CDH6: variants seen among roughly 807,000 people sequenced by gnomAD.
CDH6 encodes the protein cadherin-6.
In CDH6, 31 loss-of-function variants were observed where a neutral mutation model predicts 78.0. That is an observed-to-expected ratio of 0.40 (90% CI 0.30 to 0.54). The LOEUF is 0.54. CDH6 is among the 20% of genes least tolerant of loss of function. The probability of loss-of-function intolerance (pLI) is 0.56; values close to 1 mark genes in which losing one functional copy is unlikely to be tolerated. For synonymous variants in CDH6, 376 were observed against 368.8 expected (o/e 1.02, Z -0.23); for missense variants, 724 against 975.9 (o/e 0.74, Z 3.44).
rs1475512246 is a variant in CDH6 at position 31,328,214 on chromosome 5, C to G, written c.*4906C>G. On this transcript the variant is annotated 3_prime_UTR_variant, in exon 12 of 12. Coordinates refer to ENST00000265071, the MANE Select transcript of CDH6 (RefSeq NM_004932.4). ...TTTTTTTTCAAAAACCCATGAACCA[C>G]AAACTCAAATTTCTCCTCAAATGGG... 1 of 160,388 alleles carries G rather than the reference C, an allele frequency of 6.2e-6. No individual in the cohort carries two copies. The highest frequency in any genetic ancestry group is 2.8e-5 in the African/African-American group (1 of 35,150). The allele number at this position is 160,388 out of a possible 1,614,324, so 9.9% of individuals were successfully genotyped here.
In CDH6 at chr5:31,316,278, A is replaced by G. The variant is rs1383623619; in HGVS notation, c.1461A>G (p.Glu487=). The G allele has an allele frequency of 1.9e-6, 3 of 1,613,694 alleles. No individual in the cohort carries two copies. Among genetic ancestry groups the G allele is most frequent in the Admixed American group, 1.7e-5 (1 of 59,994 alleles). The change falls in exon 9 of 12, where the codon GAA becomes GAG. Residue 487 remains glutamate, a synonymous_variant. Coordinates refer to ENST00000265071, the MANE Select transcript of CDH6 (RefSeq NM_004932.4). ...TAGATGTCAATGACAACGCCCCAGAATTTGCTGAGTTCTATGAAACTTTTG... is the reference window on the plus strand; with the variant it reads ...TAGATGTCAATGACAACGCCCCAGAGTTTGCTGAGTTCTATGAAACTTTTG... ...KVLDVNDNAP[E]FAEFYETFVC...
chr5:31,196,434 T>A (rs1282832477), intron 1 of CDH6, among the ~76,000 whole-genome samples: 1 of 152,206 alleles, frequency 6.6e-6, no homozygotes, highest in East Asian at 1.9e-4. Flanking sequence ...CCTAAGGAAT[T>A]GAAATGTGTG....
intron 1 of CDH6, among the ~76,000 whole-genome samples, chr5:31,225,172 T>A (rs1741115389): frequency 6.6e-6 from 1 of 152,238 alleles, no homozygotes; most frequent in Admixed American, 6.5e-5. Context: ...GTCCAATGAA[T>A]GATTTTCTGG....
chr5:31,254,231 T>G (rs1293669364), intron 1 of CDH6, among the ~76,000 whole-genome samples: 1 of 152,234 alleles, frequency 6.6e-6, no homozygotes, highest in African/African-American at 2.4e-5. Flanking sequence ...ATTTTATATT[T>G]TAATGCCCTA....
At chr5:31,238,103 T>C (rs185541357) in intron 1 of CDH6, among the ~76,000 whole-genome samples, 171 of 152,344 alleles carry the variant, frequency 1.1e-3, no homozygotes, top group Admixed American at 1.9e-3. Context: ...TCTAAATCTT[T>C]GTTCAGATAT....
chr5:31,204,306 T>C (rs545325273), intron 1 of CDH6, among the ~76,000 whole-genome samples: 73 of 152,284 alleles, frequency 4.8e-4, no homozygotes, highest in African/African-American at 1.7e-3. Context: ...TGAAATTAAA[T>C]TGAAGAGATG....
chr5:31,259,779 G>GGCAAGGTGCTTAA (rs1434811641), intron 1 of CDH6, among the ~76,000 whole-genome samples: 4 of 152,200 alleles, frequency 2.6e-5, no homozygotes, highest in Non-Finnish European at 4.4e-5. Flanking sequence ...TCAAGAGCCA[G>GGCAAGGTGCTTAA]GCAAGGTGCT....
At chr5:31,302,392 TC>T (rs946764617) in intron 6 of CDH6, 94 bp downstream of exon 6, 1 of 904,388 alleles carries the variant, frequency 1.1e-6, no homozygotes. Flanking sequence ...ACATAAACAT[TC>T]CTTTAGATTT....
At chr5:31,238,390 C>A (rs1181299524) in intron 1 of CDH6, among the ~76,000 whole-genome samples, 1 of 152,198 alleles carries the variant, frequency 6.6e-6, no homozygotes, top group Non-Finnish European at 1.5e-5. Context: ...TAGGAGTGGC[C>A]TTCCCTGTCA....
At chr5:31,221,714 C>T (rs1426386327) in intron 1 of CDH6, among the ~76,000 whole-genome samples, 1 of 152,074 alleles carries the variant, frequency 6.6e-6, no homozygotes, top group East Asian at 1.9e-4. Flanking sequence ...TAGGCACATT[C>T]GTCAGTTAAT....
At chr5:31,221,931 G>A (rs1741013555) in intron 1 of CDH6, among the ~76,000 whole-genome samples, 1 of 152,080 alleles carries the variant, frequency 6.6e-6, no homozygotes, top group Non-Finnish European at 1.5e-5. Flanking sequence ...AAATCTGCTA[G>A]ACTTGTTGTG....
At chr5:31,218,143 A>G (rs367995496) in intron 1 of CDH6, among the ~76,000 whole-genome samples, 2 of 152,184 alleles carry the variant, frequency 1.3e-5, no homozygotes, top group African/African-American at 4.8e-5. Context: ...CCAAGTTGAA[A>G]TATACTTGCA....
At chr5:31,264,665 A>C (rs997799725) in intron 1 of CDH6, among the ~76,000 whole-genome samples, 5 of 152,214 alleles carry the variant, frequency 3.3e-5, no homozygotes, top group African/African-American at 1.2e-4. Flanking sequence ...CTAACATCAA[A>C]TATGAGTTTG....
chr5:31,226,859 T>C (rs1246867457), intron 1 of CDH6, among the ~76,000 whole-genome samples: 1 of 152,222 alleles, frequency 6.6e-6, no homozygotes, highest in African/African-American at 2.4e-5. Flanking sequence ...ATCCTCATTA[T>C]TATGCAATCA....
intron 7 of CDH6, among the ~76,000 whole-genome samples, chr5:31,308,504 T>A (rs1344824968): frequency 1.3e-5 from 2 of 151,498 alleles, no homozygotes; most frequent in Non-Finnish European, 2.9e-5. Context: ...TTGTTTCTTA[T>A]CAGTGATAAT....
chr5:31,273,012 A>G (rs971907345), intron 2 of CDH6, among the ~76,000 whole-genome samples: 1 of 152,166 alleles, frequency 6.6e-6, no homozygotes, highest in Admixed American at 6.6e-5. Flanking sequence ...ATGCCTACCC[A>G]ATTCAATGAA....
At chr5:31,222,750 A>G (rs1190179154) in intron 1 of CDH6, among the ~76,000 whole-genome samples, 13 of 152,196 alleles carry the variant, frequency 8.5e-5, no homozygotes, top group Non-Finnish European at 1.5e-4. Flanking sequence ...GTGATTTTAT[A>G]ACCTAAATCA....
intron 7 of CDH6, among the ~76,000 whole-genome samples, chr5:31,309,414 G>C (rs1465874244): frequency 6.6e-6 from 1 of 152,096 alleles, no homozygotes; most frequent in African/African-American, 2.4e-5. Flanking sequence ...AGTTACAAGG[G>C]TTTATTTTTC....
intron 6 of CDH6, among the ~76,000 whole-genome samples, chr5:31,302,887 GAAAGAAAGAAAGAAAA>G (rs1343059341): frequency 2.7e-5 from 3 of 110,504 alleles, no homozygotes; most frequent in South Asian, 6.2e-4. Flanking sequence ...AGGAAGGAAG[GAAAGAAAGAAAGAAAA>G]AAAGAAAGAA....
Sources: allele counts gnomAD v4.1 joint callset (sites outside exome capture counted in the v4.1 genomes callset), GRCh38; gene constraint gnomAD v4.1.1; transcripts MANE v1.5; gene names NCBI Gene and HGNC (gene_info 2026-07-23, HGNC 2026-07-21).